DNASE1: variants seen among roughly 807,000 people sequenced by gnomAD.
DNASE1 encodes the protein deoxyribonuclease 1.
DNASE1 carries 40 observed loss-of-function variants against 33.9 expected under a neutral mutation model. The observed-to-expected ratio is 1.18, with a 90% confidence interval of 0.92 to 1.54. The LOEUF (loss-of-function observed/expected upper bound fraction) is 1.54, where lower values mean the gene tolerates loss of function less well. DNASE1 is among the 40% of genes most tolerant of loss of function. The probability of loss-of-function intolerance (pLI) is 0.00; values close to 1 mark genes in which losing one functional copy is unlikely to be tolerated. For missense variants in DNASE1, 518 were observed against 372.6 expected, an observed-to-expected ratio of 1.39 and a Z score of -3.21; for synonymous variants, 216 against 160.0, an observed-to-expected ratio of 1.35 and a Z score of -2.64.
downstream of DNASE1, chr16:3,658,183 C>T: frequency 2.5e-6 from 4 of 1,614,082 alleles, no homozygotes; most frequent in Admixed American, 6.7e-5. Flanking sequence ...CCACCATGGC[C>T]CTAGGGTCGT....
At position 3,655,934 on chromosome 16, in the gene DNASE1, A is replaced by G. The variant is rs757254046; in HGVS notation, c.233A>G (p.Asn78Ser). 1.2e-6 allele frequency: 2 copies of G among 1,613,682 alleles called. No individual in the cohort carries two copies. Among genetic ancestry groups the G allele is most frequent in the Non-Finnish European group, 1.7e-6 (2 of 1,179,682 alleles). Reference protein sequence around the residue: ...TAVGKLLDNLNQDAPDTYHYV... With the variant: ...TAVGKLLDNLSQDAPDTYHYV... ...GTGGGGAAGCTGCTGGACAACCTCA[A>G]TCAGTGGGTGACAGTGGCAGGGTCA... The change falls in exon 3 of 9, where the codon AAT (asparagine) becomes AGT (serine). Residue 78 changes from asparagine to serine, a missense_variant. Coordinates refer to ENST00000246949, the MANE Select transcript of DNASE1 (RefSeq NM_005223.4).
downstream of DNASE1, chr16:3,658,890 AAGC>A (rs2042891751): frequency 2.5e-6 from 4 of 1,613,438 alleles, no homozygotes; most frequent in African/African-American, 1.3e-5. Flanking sequence ...CCACCAGAAA[AAGC>A]AGCTCAGTAC....
At chr16:3,654,514 G>A (rs2042467725), upstream of DNASE1, 2 of 398,544 alleles carry the variant, frequency 5.0e-6, no homozygotes, top group Non-Finnish European at 8.8e-6. Flanking sequence ...TGACCTTGGG[G>A]CCCCCAGACA....
chr16:3,638,739 G>C (rs75390505), upstream of DNASE1, among the ~76,000 whole-genome samples: 7,704 of 152,224 alleles, frequency 0.051, 242 homozygotes, highest in Admixed American at 0.067. Flanking sequence ...TCTCCTCTTT[G>C]TTTTTCTTCT....
downstream of DNASE1, chr16:3,659,584 TATA>T (rs2042945719): frequency 6.6e-6 from 1 of 152,180 alleles, no homozygotes; most frequent in Non-Finnish European, 1.5e-5. Flanking sequence ...ACATGAATAT[TATA>T]ATTTTTCACT....
At chr16:3,662,266 C>T (rs748125202), downstream of DNASE1, 21 of 1,058,526 alleles carry the variant, frequency 2.0e-5, no homozygotes, top group Non-Finnish European at 2.8e-5. Context: ...TGGACCAGCG[C>T]TGCTCCCTCC....
At chr16:3,663,775 TAAAGA>T in exon 10 of DNASE1, 1 of 592,858 alleles carries the variant, frequency 1.7e-6, no homozygotes, top group South Asian at 2.1e-5. Context: ...ACTCCACGCA[TAAAGA>T]AATCCACATG....
chr16:3,660,036 A>G (rs1438177170), downstream of DNASE1: 1 of 152,216 alleles, frequency 6.6e-6, no homozygotes, highest in Non-Finnish European at 1.5e-5. Flanking sequence ...CTAACAGAGG[A>G]AACACTTCAA....
In DNASE1 at chr16:3,655,399, C is replaced by A; in HGVS notation, c.26C>A (p.Ala9Glu). Residue 9 changes from alanine (A) to glutamate (E), a missense_variant, in exon 2 of 9, where the codon GCG becomes GAG. Coordinates refer to ENST00000246949, the MANE Select transcript of DNASE1 (RefSeq NM_005223.4). Reference sequence around the variant, plus strand: ...ATGAGGGGCATGAAGCTGCTGGGGGCGCTGCTGGCACTGGCGGCCCTACTG... The same window carrying A: ...ATGAGGGGCATGAAGCTGCTGGGGGAGCTGCTGGCACTGGCGGCCCTACTG... Reference protein sequence around the residue: MRGMKLLGALLALAALLQG... With the variant: MRGMKLLGELLALAALLQG... The A allele has an allele frequency of 6.2e-7, 1 of 1,614,088 alleles. No individual in the cohort carries two copies. Among genetic ancestry groups the A allele is most frequent in the Non-Finnish European group, 8.5e-7 (1 of 1,180,004 alleles).
chr16:3,663,458 G>C, exon 10 of DNASE1: 2 of 1,614,180 alleles, frequency 1.2e-6, no homozygotes, highest in South Asian at 1.1e-5. Flanking sequence ...CCTCCTTGTA[G>C]TGATCCACGA....
intron 1 of DNASE1, among the ~76,000 whole-genome samples, chr16:3,632,911 A>G (rs566418737): frequency 5.3e-5 from 8 of 152,210 alleles, no homozygotes; most frequent in East Asian, 3.9e-4. Flanking sequence ...TAATCTACCT[A>G]TGTTTTTATA....
At chr16:3,642,761 C>T (rs1489299490), upstream of DNASE1, 2 of 152,400 alleles carry the variant, frequency 1.3e-5, no homozygotes, top group Non-Finnish European at 2.9e-5. Flanking sequence ...GGGGGACTGT[C>T]ATTGTCGGGC....
At chr16:3,630,693 C>A (rs115306733) in intron 1 of DNASE1, among the ~76,000 whole-genome samples, 285 of 151,738 alleles carry the variant, frequency 1.9e-3, no homozygotes, top group African/African-American at 6.8e-3. Flanking sequence ...GTTTTTCCAT[C>A]CTTTGACTTT....
downstream of DNASE1, chr16:3,660,916 C>CCTGT (rs1174437015): frequency 6.6e-6 from 1 of 151,586 alleles, no homozygotes; most frequent in Admixed American, 6.6e-5. Context: ...AGAGTGAGAC[C>CCTGT]CTGTCTCAAA....
chr16:3,662,013 CAGG>C (rs1283089045), downstream of DNASE1: 24 of 1,611,114 alleles, frequency 1.5e-5, no homozygotes, highest in Admixed American at 4.0e-4. Flanking sequence ...GCGTGGGCTG[CAGG>C]AGCTGTGCGC....
downstream of DNASE1, chr16:3,658,830 G>A (rs1221499727): frequency 1.2e-6 from 2 of 1,614,002 alleles, no homozygotes; most frequent in Admixed American, 3.3e-5. Context: ...AGGCTCGCTT[G>A]CGCGCAGCTG....
upstream of DNASE1, among the ~76,000 whole-genome samples, chr16:3,640,066 A>G (rs1338796632): frequency 5.9e-5 from 9 of 152,172 alleles, no homozygotes; most frequent in East Asian, 1.9e-4. Flanking sequence ...ACTTAGCTCT[A>G]TTACTAAGGG....
upstream of DNASE1, chr16:3,640,680 G>A: frequency 5.0e-6 from 2 of 398,546 alleles, no homozygotes. Flanking sequence ...GTGAGCTGAT[G>A]GGCATGAGTA....
chr16:3,655,333 T>G (rs1596644193), intron 1 of DNASE1, 40 bp from the exon 2 acceptor site: 1 of 1,612,828 alleles, frequency 6.2e-7, no homozygotes, highest in Non-Finnish European at 8.5e-7. Flanking sequence ...AGGGATGACG[T>G]CTCACTTCTG....
Sources: gnomAD v4.1 joint callset for allele counts (sites outside exome capture counted in the v4.1 genomes callset) on GRCh38, gnomAD v4.1.1 for gene constraint, MANE v1.5 for transcripts, NCBI Gene and HGNC (gene_info 2026-07-23, HGNC 2026-07-21) for gene names.